The following FLI1 variants were observed in gnomAD, a reference collection of about 807,000 sequenced individuals.
FLI1 encodes the protein Fli-1 proto-oncogene, ETS transcription factor.
A neutral mutation model predicts 53.1 loss-of-function variants in FLI1; 13 were observed. The observed-to-expected ratio is 0.24, with a 90% CI of 0.16 to 0.39. The LOEUF (loss-of-function observed/expected upper bound fraction) is 0.39. FLI1 is among the 10% of genes least tolerant of loss of function. The probability of loss-of-function intolerance (pLI) is 1.00; values close to 1 mark genes in which losing one functional copy is unlikely to be tolerated. For synonymous variants in FLI1, 244 were observed against 236.7 expected (o/e 1.03, Z -0.28); for missense variants, 424 against 600.5 (o/e 0.71, Z 3.07).
intron 1 of FLI1, among the ~76,000 whole-genome samples, chr11:128,710,065 C>T (rs544873013): frequency 6.6e-5 from 10 of 152,326 alleles, no homozygotes; most frequent in African/African-American, 1.9e-4. Flanking sequence ...CCTTCTTTCA[C>T]TTAACGAGGC....
intron 4 of FLI1, among the ~76,000 whole-genome samples, chr11:128,779,452 CT>C (rs1344937242): frequency 6.6e-6 from 1 of 152,182 alleles, no homozygotes; most frequent in African/African-American, 2.4e-5. Context: ...CCATTCATAA[CT>C]TTAATCAGAG....
chr11:128,733,659 T>C (rs946681274), intron 1 of FLI1, among the ~76,000 whole-genome samples: 1 of 152,200 alleles, frequency 6.6e-6, no homozygotes, highest in Non-Finnish European at 1.5e-5. Context: ...TTGGCAGGAA[T>C]GTTATGCATG....
At chr11:128,796,065 A>G (rs1268145116) in intron 5 of FLI1, among the ~76,000 whole-genome samples, 1 of 152,098 alleles carries the variant, frequency 6.6e-6, no homozygotes, top group Non-Finnish European at 1.5e-5. Context: ...TAACTGACAG[A>G]GATGAGAGGC....
chr11:128,744,786 A>T (rs187238279), intron 1 of FLI1, among the ~76,000 whole-genome samples: 6 of 152,372 alleles, frequency 3.9e-5, no homozygotes, highest in East Asian at 3.9e-4. Flanking sequence ...AAAGAAAATT[A>T]TCGTGGGGAA....
intron 4 of FLI1, among the ~76,000 whole-genome samples, chr11:128,780,617 T>A (rs912940503): frequency 2.6e-5 from 4 of 152,034 alleles, no homozygotes; most frequent in Admixed American, 1.3e-4. Flanking sequence ...ATAAATAAAT[T>A]CTCTTCCTCA....
chr11:128,755,051 G>T (rs79682549), intron 1 of FLI1, among the ~76,000 whole-genome samples: 2 of 152,190 alleles, frequency 1.3e-5, no homozygotes, highest in East Asian at 1.9e-4. Flanking sequence ...CTCCAGAACC[G>T]CTGGCTTTGT....
At chr11:128,718,198 C>A (rs936691588) in intron 1 of FLI1, among the ~76,000 whole-genome samples, 3 of 152,206 alleles carry the variant, frequency 2.0e-5, no homozygotes, top group African/African-American at 7.2e-5. Context: ...CCTATCATGT[C>A]CGTTAATCCA....
intron 1 of FLI1, among the ~76,000 whole-genome samples, chr11:128,714,495 C>T (rs1938921952): frequency 6.6e-6 from 1 of 152,180 alleles, no homozygotes; most frequent in Non-Finnish European, 1.5e-5. Context: ...TCTGAGGAAA[C>T]CCTCTGGTCT....
chr11:128,708,606 T>C (rs980012568), intron 1 of FLI1, among the ~76,000 whole-genome samples: 3 of 152,182 alleles, frequency 2.0e-5, no homozygotes, highest in Non-Finnish European at 4.4e-5. Flanking sequence ...GATTAAGGCT[T>C]CTTGATGATC....
At chr11:128,725,094 G>C (rs1046583629) in intron 1 of FLI1, among the ~76,000 whole-genome samples, 95 of 152,290 alleles carry the variant, frequency 6.2e-4, no homozygotes, top group African/African-American at 2.2e-3. Flanking sequence ...ACCACCACAA[G>C]TACCAGTGGA....
chr11:128,802,322 T>C (rs1942656569), intron 5 of FLI1, among the ~76,000 whole-genome samples: 1 of 152,208 alleles, frequency 6.6e-6, no homozygotes, highest in Non-Finnish European at 1.5e-5. Flanking sequence ...CGGAGTGCTT[T>C]TGTTAAACCC....
chr11:128,807,024 T>C, intron 6 of FLI1, 156 bp from the exon 7 acceptor site: 1 of 432,810 alleles, frequency 2.3e-6, no homozygotes, highest in Non-Finnish European at 4.1e-6. Context: ...GGCCAGCACA[T>C]AGTAGATTCT....
chr11:128,804,447 G>A (rs1354514628), intron 5 of FLI1: 1 of 152,236 alleles, frequency 6.6e-6, no homozygotes, highest in African/African-American at 2.4e-5. Context: ...TTTCCAGCTA[G>A]TTAGTTAAGC....
chr11:128,772,322 C>T (rs1941593768), intron 3 of FLI1, among the ~76,000 whole-genome samples: 1 of 152,212 alleles, frequency 6.6e-6, no homozygotes, highest in African/African-American at 2.4e-5. Context: ...CTGGGTTTTT[C>T]AACTGCACAG....
At chr11:128,704,346 C>T (rs566769226) in intron 1 of FLI1, among the ~76,000 whole-genome samples, 61 of 152,162 alleles carry the variant, frequency 4.0e-4, no homozygotes, top group African/African-American at 1.4e-3. Flanking sequence ...TGAGTTTCTC[C>T]GAGCTGGTTG....
At chr11:128,806,265 C>T (rs579355) in intron 6 of FLI1, 36,107 of 151,966 alleles carry the variant, frequency 0.24, 5,083 homozygotes, top group Non-Finnish European at 0.32. Context: ...TGCACTGGTC[C>T]CATAAGCGGG....
chr11:128,723,522 G>A (rs1383645723), intron 1 of FLI1, among the ~76,000 whole-genome samples: 1 of 152,104 alleles, frequency 6.6e-6, no homozygotes, highest in Non-Finnish European at 1.5e-5. Flanking sequence ...TAAAAGAGGT[G>A]CATTCCTGCT....
chr11:128,759,277 T>G (rs1448514658), intron 2 of FLI1, among the ~76,000 whole-genome samples: 3 of 152,200 alleles, frequency 2.0e-5, no homozygotes, highest in Non-Finnish European at 2.9e-5. Context: ...GCTGAAAACA[T>G]GTGCCATTTA....
At chr11:128,698,895 T>C (rs1267342517) in intron 1 of FLI1, among the ~76,000 whole-genome samples, 1 of 152,224 alleles carries the variant, frequency 6.6e-6, no homozygotes, top group Non-Finnish European at 1.5e-5. Flanking sequence ...ATTCCAAATT[T>C]TTGGATAGAA....
Sources: gnomAD v4.1 joint callset for allele counts (sites outside exome capture counted in the v4.1 genomes callset) on GRCh38, gnomAD v4.1.1 for gene constraint, MANE v1.5 for transcripts, NCBI Gene and HGNC (gene_info 2026-07-23, HGNC 2026-07-21) for gene names.